KIAA1328: variants seen among roughly 807,000 people sequenced by gnomAD.
KIAA1328 encodes the protein KIAA1328.
KIAA1328 carries 52 observed loss-of-function variants against 68.1 expected under a neutral mutation model. The ratio of observed to expected loss-of-function variants is 0.76; its 90% CI spans 0.61 to 0.96. KIAA1328 has a LOEUF of 0.96. Among genes scored for constraint, KIAA1328 ranks in the 40% least tolerant of loss-of-function variants. The pLI, the probability that KIAA1328 is intolerant of heterozygous loss-of-function variation, is 0.00. For missense variants in KIAA1328, 641 were observed against 677.6 expected, an observed-to-expected ratio of 0.95 and a Z score of 0.60; for synonymous variants, 232 against 239.4, an observed-to-expected ratio of 0.97 and a Z score of 0.28.
intron 5 of KIAA1328, chr18:36,946,461 G>A (rs2050905162): frequency 1.3e-5 from 2 of 152,150 alleles, no homozygotes; most frequent in Admixed American, 6.5e-5. Context: ...TCAGAAGCTT[G>A]TTAGACCCTA....
intron 5 of KIAA1328, among the ~76,000 whole-genome samples, chr18:36,907,994 T>G (rs2049284777): frequency 6.6e-6 from 1 of 152,118 alleles, no homozygotes; most frequent in Non-Finnish European, 1.5e-5. Context: ...TTTTCTTGAG[T>G]AAGCTTTGGT....
intron 6 of KIAA1328, among the ~76,000 whole-genome samples, chr18:36,978,239 A>C (rs531160043): frequency 6.6e-5 from 10 of 152,328 alleles, no homozygotes; most frequent in African/African-American, 2.4e-4. Context: ...GTTATCTACC[A>C]GGGAGACTCA....
chr18:36,844,781 G>A (rs1344551810), intron 4 of KIAA1328, among the ~76,000 whole-genome samples: 1 of 151,800 alleles, frequency 6.6e-6, no homozygotes, highest in African/African-American at 2.4e-5. Flanking sequence ...CAGTTTATTA[G>A]TGATGTATAT....
At chr18:37,102,315 G>A (rs2057645233) in intron 7 of KIAA1328, among the ~76,000 whole-genome samples, 1 of 152,156 alleles carries the variant, frequency 6.6e-6, no homozygotes, top group South Asian at 2.1e-4. Flanking sequence ...AATACATATT[G>A]GATGCTGGGC....
chr18:37,046,859 G>A (rs138938688), intron 6 of KIAA1328, among the ~76,000 whole-genome samples: 3 of 152,266 alleles, frequency 2.0e-5, no homozygotes, highest in South Asian at 2.1e-4. Context: ...AGCTGGGCGC[G>A]GTGGCTCACA....
intron 5 of KIAA1328, among the ~76,000 whole-genome samples, chr18:36,943,730 A>G (rs1363488891): frequency 2.0e-5 from 3 of 152,202 alleles, no homozygotes; most frequent in African/African-American, 7.2e-5. Flanking sequence ...GTTTTGATGG[A>G]TAACATAGTC....
At chr18:36,848,541 C>CCTTTT (rs2047104624) in intron 4 of KIAA1328, among the ~76,000 whole-genome samples, 1 of 38,144 alleles carries the variant, frequency 2.6e-5, no homozygotes, top group Non-Finnish European at 4.6e-5. Flanking sequence ...TCTATAGATG[C>CCTTTT]TTTTTTTTTT....
At chr18:36,866,696 C>A (rs72885287) in intron 4 of KIAA1328, among the ~76,000 whole-genome samples, 20,721 of 151,996 alleles carry the variant, frequency 0.14, 1,756 homozygotes, top group Admixed American at 0.18. Context: ...AATAGAGAAT[C>A]ATAAAAAAGT....
At chr18:36,877,633 TG>T (rs921677338) in intron 4 of KIAA1328, among the ~76,000 whole-genome samples, 17 of 151,120 alleles carry the variant, frequency 1.1e-4, no homozygotes, top group Non-Finnish European at 1.9e-4. Context: ...CGATGGGTCT[TG>T]ACTCTTTATC....
At chr18:37,168,168 A>T (rs548905806) in intron 8 of KIAA1328, among the ~76,000 whole-genome samples, 1 of 152,232 alleles carries the variant, frequency 6.6e-6, no homozygotes, top group Non-Finnish European at 1.5e-5. Flanking sequence ...ACATTCTTTC[A>T]TGCTATCTGC....
chr18:36,938,798 A>G (rs979154516), intron 5 of KIAA1328, among the ~76,000 whole-genome samples: 1 of 152,174 alleles, frequency 6.6e-6, no homozygotes. Flanking sequence ...ATTCTTCTGC[A>G]TGTGGATATC....
intron 7 of KIAA1328, among the ~76,000 whole-genome samples, chr18:37,117,888 AT>A (rs199739433): frequency 0.12 from 15,918 of 135,448 alleles, 1,052 homozygotes; most frequent in Admixed American, 0.16. Flanking sequence ...AAAAAAAAAA[AT>A]ATATATATAT....
chr18:37,201,435 A>G (rs1439382189), intron 9 of KIAA1328, among the ~76,000 whole-genome samples: 1 of 152,176 alleles, frequency 6.6e-6, no homozygotes, highest in East Asian at 1.9e-4. Context: ...CAGGGCTGGA[A>G]TCTATAACAG....
intron 5 of KIAA1328, among the ~76,000 whole-genome samples, chr18:36,911,032 G>A (rs2049426119): frequency 6.6e-6 from 1 of 151,980 alleles, no homozygotes; most frequent in South Asian, 2.1e-4. Context: ...CTCTCCAATG[G>A]TGGCTTTCCT....
At chr18:36,966,858 C>A (rs1456857697) in intron 6 of KIAA1328, among the ~76,000 whole-genome samples, 1 of 152,122 alleles carries the variant, frequency 6.6e-6, no homozygotes, top group East Asian at 1.9e-4. Flanking sequence ...TTGTTGCAAT[C>A]CTGATCAGAA....
intron 5 of KIAA1328, among the ~76,000 whole-genome samples, chr18:36,922,474 T>A (rs989296014): frequency 2.0e-5 from 3 of 152,164 alleles, no homozygotes; most frequent in African/African-American, 7.2e-5. Context: ...CATGGGAAAT[T>A]TTTTGAAGAA....
At chr18:36,965,664 C>T (rs1438815182) in intron 6 of KIAA1328, among the ~76,000 whole-genome samples, 1 of 150,100 alleles carries the variant, frequency 6.7e-6, no homozygotes, top group Non-Finnish European at 1.5e-5. Flanking sequence ...AGCCACTGTG[C>T]CTGGCCAAAA....
chr18:37,074,912 G>A (rs2056663595), intron 7 of KIAA1328: 1 of 152,066 alleles, frequency 6.6e-6, no homozygotes, highest in African/African-American at 2.4e-5. Flanking sequence ...CACTCTGCAG[G>A]ATATTATCCA....
downstream of KIAA1328, among the ~76,000 whole-genome samples, chr18:37,227,596 A>C (rs539647459): frequency 6.6e-6 from 1 of 152,260 alleles, no homozygotes; most frequent in Admixed American, 6.5e-5. Flanking sequence ...ATAGCAGCAC[A>C]TCTGTTTACA....
Sources: gnomAD v4.1 joint callset for allele counts (sites outside exome capture counted in the v4.1 genomes callset) on GRCh38, gnomAD v4.1.1 for gene constraint, MANE v1.5 for transcripts, NCBI Gene and HGNC (gene_info 2026-07-23, HGNC 2026-07-21) for gene names.